The following CYTH1 variants were observed in gnomAD, a reference collection of about 807,000 sequenced individuals.
CYTH1 encodes the protein cytohesin 1.
A neutral mutation model predicts 61.8 loss-of-function variants in CYTH1; 18 were observed. That is an observed-to-expected ratio of 0.29 (90% CI 0.20 to 0.43). The LOEUF is 0.43. Among genes scored for constraint, CYTH1 ranks in the 20% least tolerant of loss-of-function variants. The pLI is 1.00. For missense variants in CYTH1, 336 were observed against 510.5 expected, an observed-to-expected ratio of 0.66 and a Z score of 3.29; for synonymous variants, 174 against 184.3, an observed-to-expected ratio of 0.94 and a Z score of 0.45.
chr17:78,762,680 C>T (rs985653491), intron 1 of CYTH1, among the ~76,000 whole-genome samples: 4 of 152,056 alleles, frequency 2.6e-5, no homozygotes, highest in Non-Finnish European at 4.4e-5. Flanking sequence ...AGTGGGCACA[C>T]GGATTCTTCC....
intron 1 of CYTH1, among the ~76,000 whole-genome samples, chr17:78,760,570 CACATACATATATATGTA>C (rs2093424536): frequency 4.0e-5 from 1 of 24,770 alleles, no homozygotes; most frequent in African/African-American, 1.7e-4. Context: ...TATATATATA[CACATACATATATATGTA>C]TATATATGTA....
intron 7 of CYTH1, 48 bp from the exon 8 acceptor site, chr17:78,699,016 T>C (rs772514596): frequency 5.7e-6 from 9 of 1,591,768 alleles, no homozygotes; most frequent in Non-Finnish European, 7.7e-6. Flanking sequence ...GCTCAGATGT[T>C]CAGAAACATC....
chr17:78,676,450 C>T, intron 13 of CYTH1: 1 of 444,384 alleles, frequency 2.3e-6, no homozygotes. Context: ...AGAATCATAC[C>T]ACATTCTTAC....
intron 1 of CYTH1, among the ~76,000 whole-genome samples, chr17:78,772,298 T>A (rs2093474530): frequency 6.6e-6 from 1 of 152,170 alleles, no homozygotes; most frequent in South Asian, 2.1e-4. Context: ...ACAGAGATGT[T>A]TCATCCCTTT....
intron 3 of CYTH1, among the ~76,000 whole-genome samples, chr17:78,703,981 G>A (rs7220955): frequency 0.57 from 86,057 of 152,070 alleles, 24,434 homozygotes; most frequent in African/African-American, 0.61. Context: ...CGGTACATCT[G>A]TATTTAACTT....
rs186731380 is a variant in CYTH1 at position 78,759,187 on chromosome 17, C to T, written c.22+23015G>A. On this transcript the variant is annotated intron_variant, in intron 1 of 13. Transcript: ENST00000446868. ...TAAGAAGGGCACAATTGTAGCCAAT[C>T]GAAGCCCACTGCCTGAGGTGGCTTC... Among the ~76,000 whole-genome samples the T allele has an allele frequency of 5.3e-5, 8 of 152,288 alleles. No individual in the cohort carries two copies. The East Asian group carries it at 5.8e-4, about 11-fold the overall frequency.
chr17:78,725,229 T>A (rs2093259561), intron 1 of CYTH1, among the ~76,000 whole-genome samples: 1 of 152,162 alleles, frequency 6.6e-6, no homozygotes, highest in African/African-American at 2.4e-5. Flanking sequence ...CAGGGAGAAC[T>A]CAGATTCCTC....
At chr17:78,686,158 A>G (rs1398667198) in intron 11 of CYTH1, among the ~76,000 whole-genome samples, 1 of 151,868 alleles carries the variant, frequency 6.6e-6, no homozygotes, top group Admixed American at 6.6e-5. Context: ...CTTTTCTCTC[A>G]TTGTTTTAAT....
At chr17:78,699,927 C>T (rs2092990752) in intron 7 of CYTH1, among the ~76,000 whole-genome samples, 1 of 152,116 alleles carries the variant, frequency 6.6e-6, no homozygotes, top group Non-Finnish European at 1.5e-5. Context: ...ATAGCCGGGA[C>T]TACAGGCATA....
chr17:78,698,735 G>GT lies in CYTH1; in HGVS notation c.699+84dup, dbSNP rs2092974034. ...AGAGGAGACCCTTGATAAATTGTAT[G>GT]TTTTTTCTTCCTTCCTACAAAAGAC... On this transcript the variant is annotated intron_variant, in intron 8 of 13. Coordinates refer to ENST00000446868, the MANE Select transcript of CYTH1 (RefSeq NM_004762.6). 2.8e-6 allele frequency: 4 copies of GT among 1,421,692 alleles called. No individual in the cohort carries two copies. In the South Asian group the frequency reaches 5.9e-5, roughly 21 times the overall value. 88.1% of individuals were successfully genotyped at this position (1,421,692 alleles called of 1,614,324 possible).
chr17:78,675,913 T>C lies in CYTH1; in HGVS notation c.*178A>G. On this transcript the variant is annotated 3_prime_UTR_variant, in exon 14 of 14. Coordinates refer to ENST00000446868, the MANE Select transcript of CYTH1 (RefSeq NM_004762.6). ...AGGTGGCCGGTCCTCTCTTCCCCAGTGATAACTGCCCACCCTTCTCCCACT... is the reference window on the plus strand; with the variant it reads ...AGGTGGCCGGTCCTCTCTTCCCCAGCGATAACTGCCCACCCTTCTCCCACT... 1.3e-6 allele frequency: 2 copies of C among 1,532,936 alleles called. No individual in the cohort carries two copies. The highest frequency in any genetic ancestry group is 4.9e-5 in the East Asian group (2 of 40,742). 95.0% of individuals were successfully genotyped at this position (1,532,936 alleles called of 1,614,324 possible).
chr17:78,707,145 G>A (rs1317725837), intron 3 of CYTH1, among the ~76,000 whole-genome samples: 5 of 152,178 alleles, frequency 3.3e-5, no homozygotes, highest in African/African-American at 1.2e-4. Flanking sequence ...GAGACTGGCC[G>A]TGGTGAGCTG....
chr17:78,760,136 G>A (rs898306236), intron 1 of CYTH1, among the ~76,000 whole-genome samples: 3 of 151,604 alleles, frequency 2.0e-5, no homozygotes, highest in African/African-American at 7.3e-5. Context: ...AAATTTACTA[G>A]ATTACGAACT....
chr17:78,772,345 C>T (rs528202429), intron 1 of CYTH1, among the ~76,000 whole-genome samples: 11 of 152,188 alleles, frequency 7.2e-5, no homozygotes, highest in Middle Eastern at 3.4e-3. Context: ...GATGTGTGCC[C>T]CCCATACTTG....
intron 11 of CYTH1, among the ~76,000 whole-genome samples, chr17:78,683,286 CT>C (rs1195627036): frequency 6.6e-6 from 1 of 152,168 alleles, no homozygotes; most frequent in Non-Finnish European, 1.5e-5. Flanking sequence ...CCAAGTTGCT[CT>C]TTGGCTGTTC....
chr17:78,676,206 G>A, intron 13 of CYTH1, 37 bp from the exon 14 acceptor site: 2 of 1,575,080 alleles, frequency 1.3e-6, no homozygotes, highest in Non-Finnish European at 8.6e-7. Context: ...GAGACGTGAG[G>A]GACAGAATCA....
At chr17:78,754,179 G>A (rs182855510) in intron 1 of CYTH1, among the ~76,000 whole-genome samples, 215 of 152,270 alleles carry the variant, frequency 1.4e-3, no homozygotes, top group Non-Finnish European at 2.1e-3. Context: ...AAAGGCATGC[G>A]TGTGATGCTG....
intron 11 of CYTH1, among the ~76,000 whole-genome samples, chr17:78,686,585 C>G (rs2092818881): frequency 6.6e-6 from 1 of 152,024 alleles, no homozygotes; most frequent in Admixed American, 6.6e-5. Context: ...AAGATACTCC[C>G]CGAGTTCTGG....
rs1126615 is a variant in CYTH1 at position 78,674,667 on chromosome 17, A to G, written c.*1424T>C. 0.56 allele frequency: 84,918 copies of G among 152,466 alleles called. 23,751 individuals are homozygous for G. The highest frequency in any genetic ancestry group is 0.61 in the East Asian group (3,181 of 5,184). The allele number at this position is 152,466 out of a possible 1,614,324, so 9.4% of individuals were successfully genotyped here. A position where few individuals can be genotyped will look rare whatever the true frequency, so the allele number is the denominator to read the frequency against. On this transcript the variant is annotated 3_prime_UTR_variant, in exon 14 of 14. Transcript: ENST00000446868. ...CCGCAGCTCCTCCACCTGCCTCCTCAGGGCTGCGCCCTGCACCGCCCTGGT... is the reference window on the plus strand; with the variant it reads ...CCGCAGCTCCTCCACCTGCCTCCTCGGGGCTGCGCCCTGCACCGCCCTGGT...
Sources: allele counts gnomAD v4.1 joint callset (sites outside exome capture counted in the v4.1 genomes callset), GRCh38; gene constraint gnomAD v4.1.1; transcripts MANE v1.5; gene names NCBI Gene and HGNC (gene_info 2026-07-23, HGNC 2026-07-21).